KHDRBS2: variants seen among roughly 807,000 people sequenced by gnomAD.
The protein encoded by KHDRBS2 is KH RNA binding domain containing, signal transduction associated 2.
Under a neutral mutation model 44.3 loss-of-function variants are expected in KHDRBS2, and 26 were observed. That is an observed-to-expected ratio of 0.59 (90% CI 0.43 to 0.81). The LOEUF is 0.81. Ranked by LOEUF, KHDRBS2 falls within the 40% of genes least tolerant of loss-of-function variation. KHDRBS2 has a pLI of 0.00. For synonymous variants in KHDRBS2, 194 were observed against 151.1 expected, an observed-to-expected ratio of 1.28 and a Z score of -2.08; for missense variants, 476 against 433.1, an observed-to-expected ratio of 1.10 and a Z score of -0.88.
At chr6:61,802,026 A>G (rs1469565934) in intron 6 of KHDRBS2, among the ~76,000 whole-genome samples, 2 of 152,160 alleles carry the variant, frequency 1.3e-5, no homozygotes, top group Non-Finnish European at 2.9e-5. Context: ...TGGTGGCTTT[A>G]AAGATGGAAA....
At chr6:61,634,461 T>C in the KHDRBS2 span, among the ~76,000 whole-genome samples, 2 of 151,988 alleles carry the variant, frequency 1.3e-5, no homozygotes, top group Non-Finnish European at 2.9e-5. Flanking sequence ...CTGACAAAAA[T>C]AGAGCCTTTG....
At chr6:62,200,097 A>G (rs1399555353) in intron 1 of KHDRBS2, among the ~76,000 whole-genome samples, 1 of 152,210 alleles carries the variant, frequency 6.6e-6, no homozygotes, top group Non-Finnish European at 1.5e-5. Flanking sequence ...AGATGGATTA[A>G]AGACTTACAT....
chr6:61,946,168 C>T (rs1042405301), intron 4 of KHDRBS2, among the ~76,000 whole-genome samples: 4 of 152,206 alleles, frequency 2.6e-5, no homozygotes, highest in African/African-American at 7.2e-5. Flanking sequence ...CCCTCCTCTA[C>T]ATCTGAAACA....
At chr6:61,954,349 A>ATATGCATGCATACATATATACG (rs1765478531) in intron 4 of KHDRBS2, among the ~76,000 whole-genome samples, 9 of 115,206 alleles carry the variant, frequency 7.8e-5, no homozygotes, top group African/African-American at 3.4e-4. Flanking sequence ...ATAGATATAC[A>ATATGCATGCATACATATATACG]TATGTATGCA....
At chr6:61,723,353 C>G (rs978411723) in intron 7 of KHDRBS2, among the ~76,000 whole-genome samples, 9 of 152,060 alleles carry the variant, frequency 5.9e-5, no homozygotes, top group African/African-American at 2.2e-4. Context: ...AACACCTCCC[C>G]AAGGAGGTCA....
At chr6:62,101,376 C>G (rs1247551990) in intron 2 of KHDRBS2, among the ~76,000 whole-genome samples, 10 of 151,978 alleles carry the variant, frequency 6.6e-5, no homozygotes, top group Admixed American at 6.6e-4. Flanking sequence ...ACTGCAAGGT[C>G]TTGGATTTCA....
In KHDRBS2 at chr6:62,030,512, C is replaced by T. The variant is rs6925699; in HGVS notation, c.336+17366G>A. ...CAAGTTAATTTCTGAATATTGGTACCTTCATTTAGGGTACTCCTGAAAAAA... is the reference window on the plus strand; with the variant it reads ...CAAGTTAATTTCTGAATATTGGTACTTTCATTTAGGGTACTCCTGAAAAAA... On this transcript the variant is annotated intron_variant, in intron 3 of 8. Coordinates refer to ENST00000281156, the MANE Select transcript of KHDRBS2 (RefSeq NM_152688.4). 8.2e-3 allele frequency among the ~76,000 whole-genome samples: 1,240 copies of T among 151,896 alleles called. 16 individuals are homozygous for T. The highest frequency in any genetic ancestry group is 0.029 in the African/African-American group (1,200 of 41,468).
chr6:62,278,696 G>A (rs1007574564), intron 1 of KHDRBS2, among the ~76,000 whole-genome samples: 4 of 152,178 alleles, frequency 2.6e-5, no homozygotes, highest in Non-Finnish European at 4.4e-5. Flanking sequence ...AATTGTCTCA[G>A]TACCACAAGA....
intron 6 of KHDRBS2, among the ~76,000 whole-genome samples, chr6:61,888,506 T>C (rs1801306208): frequency 6.6e-6 from 1 of 151,294 alleles, no homozygotes. Flanking sequence ...GAAACACATA[T>C]GCAGAGAAAA....
At chr6:62,241,242 T>C (rs1414135376) in intron 1 of KHDRBS2, among the ~76,000 whole-genome samples, 1 of 152,166 alleles carries the variant, frequency 6.6e-6, no homozygotes, top group East Asian at 1.9e-4. Context: ...GAGGAAAAAC[T>C]ATAATGACAG....
chr6:62,220,824 A>T (rs749231311), intron 1 of KHDRBS2, among the ~76,000 whole-genome samples: 1 of 151,980 alleles, frequency 6.6e-6, no homozygotes, highest in Non-Finnish European at 1.5e-5. Context: ...AAAAGCAAGT[A>T]TGTCAGTGAC....
intron 2 of KHDRBS2, among the ~76,000 whole-genome samples, chr6:62,155,876 G>A (rs1816257034): frequency 6.6e-6 from 1 of 152,132 alleles, no homozygotes; most frequent in African/African-American, 2.4e-5. Context: ...TTCCATTTTT[G>A]TGAAGATTGG....
chr6:61,699,235 A>G (rs976273376), intron 7 of KHDRBS2, among the ~76,000 whole-genome samples: 7 of 152,088 alleles, frequency 4.6e-5, no homozygotes, highest in African/African-American at 1.7e-4. Context: ...GAGTAGCCTA[A>G]TAAAACCACG....
intron 1 of KHDRBS2, among the ~76,000 whole-genome samples, chr6:62,240,658 A>G (rs12524971): frequency 1.2e-4 from 14 of 115,164 alleles, no homozygotes; most frequent in African/African-American, 3.4e-4. Flanking sequence ...GTATGTGTGT[A>G]TGTATGTGTG....
the KHDRBS2 span, among the ~76,000 whole-genome samples, chr6:61,554,520 G>T: frequency 6.6e-6 from 1 of 151,698 alleles, no homozygotes; most frequent in Non-Finnish European, 1.5e-5. Context: ...TTCAAGGTTA[G>T]TATTGACATG....
In KHDRBS2 at chr6:61,983,827, T is replaced by A. The variant is rs564069387; in HGVS notation, c.337-5615A>T. 7.9e-5 allele frequency among the ~76,000 whole-genome samples: 12 copies of A among 152,340 alleles called. No individual in the cohort carries two copies. The South Asian group carries it at 1.9e-3, about 24-fold the overall frequency. ...TGAGGTGTACTGTAAAGACAAGGTTTATGTTTCAATGGAAAACTATAAACC... is the reference window on the plus strand; with the variant it reads ...TGAGGTGTACTGTAAAGACAAGGTTAATGTTTCAATGGAAAACTATAAACC... On this transcript the variant is annotated intron_variant, in intron 3 of 8. Transcript: ENST00000281156.
intron 4 of KHDRBS2, among the ~76,000 whole-genome samples, chr6:61,912,310 T>C (rs1482155152): frequency 5.9e-5 from 9 of 152,172 alleles, no homozygotes; most frequent in Non-Finnish European, 1.3e-4. Context: ...AATTACAAAA[T>C]GAAAAGAACA....
At chr6:61,898,043 T>C (rs1448967455) in intron 5 of KHDRBS2, among the ~76,000 whole-genome samples, 2 of 152,098 alleles carry the variant, frequency 1.3e-5, no homozygotes, top group African/African-American at 2.4e-5. Context: ...ATTGGAAAAT[T>C]AGAGTTATCA....
the KHDRBS2 span, among the ~76,000 whole-genome samples, chr6:61,545,179 T>C: frequency 1.1e-3 from 161 of 152,042 alleles, no homozygotes; most frequent in African/African-American, 3.8e-3. Context: ...GGCATGGTGG[T>C]TCATGCCTGT....
Sources: allele counts gnomAD v4.1 joint callset (sites outside exome capture counted in the v4.1 genomes callset), GRCh38; gene constraint gnomAD v4.1.1; transcripts MANE v1.5; gene names NCBI Gene and HGNC (gene_info 2026-07-23, HGNC 2026-07-21).